The following WRN variants were observed in gnomAD, a reference collection of about 807,000 sequenced individuals.
The protein encoded by WRN is bifunctional 3'-5' exonuclease/ATP-dependent helicase WRN.
In WRN, 149 loss-of-function variants were observed where a neutral mutation model predicts 180.7. The observed-to-expected ratio is 0.82, with a 90% CI of 0.72 to 0.94. The LOEUF (loss-of-function observed/expected upper bound fraction) is 0.94. WRN is among the 40% of genes least tolerant of loss of function. The pLI is 0.00. For synonymous variants in WRN, 548 were observed against 568.9 expected, an observed-to-expected ratio of 0.96 and a Z score of 0.52; for missense variants, 1,661 against 1,700.1, an observed-to-expected ratio of 0.98 and a Z score of 0.40.
At chr8:31,037,008 G>A (rs1811473786) in intron 1 of WRN, among the ~76,000 whole-genome samples, 1 of 152,164 alleles carries the variant, frequency 6.6e-6, no homozygotes, top group African/African-American at 2.4e-5. Context: ...GGAGGGAGGG[G>A]ATGGTTTCAG....
At chr8:31,076,365 A>G (rs1311630263) in intron 8 of WRN, 78 bp downstream of exon 8, 2 of 1,223,902 alleles carry the variant, frequency 1.6e-6, no homozygotes, top group Admixed American at 1.9e-5. Flanking sequence ...TATGTGAAGA[A>G]TACTATTCAT....
chr8:31,087,220 G>A (rs796604722), intron 11 of WRN, among the ~76,000 whole-genome samples: 10 of 152,212 alleles, frequency 6.6e-5, no homozygotes, highest in African/African-American at 2.4e-4. Context: ...TTATTTAGGG[G>A]AGAATGTCAG....
intron 16 of WRN, 40 bp from the exon 17 acceptor site, chr8:31,096,728 G>GTTTTTTTTTTTTTTTTTTT: frequency 2.6e-6 from 3 of 1,160,214 alleles, no homozygotes; most frequent in East Asian, 2.8e-5. Flanking sequence ...TTCCCTTCCT[G>GTTTTTTTTTTTTTTTTTTT]TTTTTTTTTT....
intron 18 of WRN, among the ~76,000 whole-genome samples, chr8:31,103,552 C>T (rs909396749): frequency 8.4e-6 from 1 of 118,858 alleles, no homozygotes. Context: ...CCGTTAAGTA[C>T]CACATGACTA....
intron 34 of WRN, among the ~76,000 whole-genome samples, chr8:31,169,409 T>A (rs1473724683): frequency 6.6e-6 from 1 of 151,994 alleles, no homozygotes; most frequent in African/African-American, 2.4e-5. Context: ...AATTTTTTTC[T>A]TTTATTTCTG....
chr8:31,114,893 G>GATT (rs764937166), intron 19 of WRN, among the ~76,000 whole-genome samples: 4 of 136,170 alleles, frequency 2.9e-5, no homozygotes, highest in African/African-American at 5.5e-5. Context: ...TTTAAAATAA[G>GATT]GTTTTTTTTT....
chr8:31,144,771 CAGTT>C (rs1319169497), intron 28 of WRN, among the ~76,000 whole-genome samples: 1 of 147,804 alleles, frequency 6.8e-6, no homozygotes, highest in Admixed American at 6.7e-5. Flanking sequence ...TTGCACCAAA[CAGTT>C]AGTTTGCAAA....
At chr8:31,098,719 G>A (rs191635394) in intron 17 of WRN, among the ~76,000 whole-genome samples, 21 of 152,216 alleles carry the variant, frequency 1.4e-4, no homozygotes, top group Admixed American at 1.3e-3. Context: ...AAGTAGTCTG[G>A]ATTTTTAACA....
intron 24 of WRN, among the ~76,000 whole-genome samples, chr8:31,138,004 G>A (rs1563374205): frequency 6.6e-6 from 1 of 152,050 alleles, no homozygotes; most frequent in Admixed American, 6.6e-5. Context: ...TTGGGACGCT[G>A]AGGTGGGAGG....
intron 22 of WRN, 61 bp from the exon 23 acceptor site, chr8:31,124,847 G>C: frequency 6.7e-7 from 1 of 1,493,740 alleles, no homozygotes; most frequent in Non-Finnish European, 9.3e-7. Flanking sequence ...TTATTTTCAG[G>C]AATGAACTTA....
At chr8:31,154,020 A>T (rs1803261685) in intron 31 of WRN, among the ~76,000 whole-genome samples, 1 of 151,950 alleles carries the variant, frequency 6.6e-6, no homozygotes, top group South Asian at 2.1e-4. Flanking sequence ...ATAGTTTTCT[A>T]TCTCTTTACC....
chr8:31,139,736 C>T (rs1232751012), intron 24 of WRN, among the ~76,000 whole-genome samples: 1 of 152,140 alleles, frequency 6.6e-6, no homozygotes, highest in Admixed American at 6.6e-5. Context: ...TTAAATACCT[C>T]CACAATCATG....
chr8:31,045,544 A>G (rs1219234157), intron 1 of WRN, among the ~76,000 whole-genome samples: 1 of 151,960 alleles, frequency 6.6e-6, no homozygotes. Flanking sequence ...ATGGGATTAC[A>G]GCACTCGCTG....
At chr8:31,156,377 G>T (rs1340314035) in intron 32 of WRN, among the ~76,000 whole-genome samples, 1 of 152,164 alleles carries the variant, frequency 6.6e-6, no homozygotes, top group Non-Finnish European at 1.5e-5. Flanking sequence ...GTTTGAGAGG[G>T]TCTTGCCAGT....
At chr8:31,101,091 TA>T in intron 18 of WRN, 136 bp downstream of exon 18, 1 of 753,892 alleles carries the variant, frequency 1.3e-6, no homozygotes, top group Non-Finnish European at 2.2e-6. Context: ...ACTATTTTTT[TA>T]AAAATGCTAA....
Position 31,067,154 on chromosome 8 carries a change from A to G in WRN, c.626A>G (p.Gln209Arg), listed in dbSNP as rs753330899. 6.2e-7 allele frequency: 1 copy of G among 1,613,910 alleles called. No individual in the cohort carries two copies. Among genetic ancestry groups the G allele is most frequent in the South Asian group, 1.1e-5 (1 of 91,080 alleles). ...NWSKFPLTED[Q>R]KLYAATDAYA... is the part of the protein sequence containing the mutation. ...AGTAAATTTCCTCTCACTGAGGACC[A>G]GAAACTGTATGCAGCCACTGATGCT... is the stretch of plus-strand genomic sequence containing the variant. The change falls in exon 6 of 35, where the codon CAG (glutamine) becomes CGG (arginine). Residue 209 changes from glutamine to arginine, a missense_variant. Around this residue, in one of 3 missense-constraint regions of WRN, gnomAD observed 500 missense variants for 504.1 expected, o/e 0.99. Transcript: ENST00000298139.
intron 14 of WRN, 22 bp downstream of exon 14, chr8:31,090,554 C>T: frequency 1.2e-6 from 2 of 1,603,410 alleles, no homozygotes; most frequent in East Asian, 2.2e-5. Context: ...TTAAGCAAAA[C>T]CTAATCCTTT....
Position 31,120,422 on chromosome 8 carries a change from T to A in WRN, c.2628T>A (p.Asn876Lys). The A allele has an allele frequency of 6.2e-7, 1 of 1,611,314 alleles. No homozygotes were observed. The highest frequency in any genetic ancestry group is 8.5e-7 in the Non-Finnish European group (1 of 1,178,496). Reference protein sequence around the residue: ...VLWAPADINLNRHLLTEIRNE... With the variant: ...VLWAPADINLKRHLLTEIRNE... ...GGGCTCCTGCAGACATTAACTTAAATAGGTAAAAAAAATTTATTGTTTTTA... is the reference window on the plus strand; with the variant it reads ...GGGCTCCTGCAGACATTAACTTAAAAAGGTAAAAAAAATTTATTGTTTTTA... Residue 876 changes from asparagine (N) to lysine (K), a missense_variant and splice_region_variant, in exon 21 of 35, where the codon AAT becomes AAA. Around this residue, in one of 3 missense-constraint regions of WRN, gnomAD observed 1,141 missense variants for 1,149.4 expected, o/e 0.99. Transcript: ENST00000298139.
intron 7 of WRN, among the ~76,000 whole-genome samples, chr8:31,072,101 C>A (rs2130074868): frequency 6.6e-6 from 1 of 152,300 alleles, no homozygotes; most frequent in South Asian, 2.1e-4. Context: ...TCCCGAGGAA[C>A]TCTTAGTGTT....
Sources: gnomAD v4.1 joint callset for allele counts (sites outside exome capture counted in the v4.1 genomes callset) on GRCh38, gnomAD v4.1.1 for gene constraint, gnomAD v4.1.1 regional missense constraint, MANE v1.5 for transcripts, NCBI Gene and HGNC (gene_info 2026-07-23, HGNC 2026-07-21) for gene names.